AFG2A: variants seen among roughly 807,000 people sequenced by gnomAD.
AFG2A encodes the protein AAA ATPase AFG2A.
At chr4:123,039,869 A>G in the AFG2A span, among the ~76,000 whole-genome samples, 1 of 151,994 alleles carries the variant, frequency 6.6e-6, no homozygotes, top group Non-Finnish European at 1.5e-5. Context: ...GAGGCAGTGC[A>G]TTTTGGCTGT....
the AFG2A span, among the ~76,000 whole-genome samples, chr4:123,308,383 A>G: frequency 3.0e-4 from 46 of 152,304 alleles, no homozygotes; most frequent in South Asian, 7.0e-3. Context: ...CAGGCCATGC[A>G]CCGGTACTGG....
At chr4:123,197,085 T>G in the AFG2A span, among the ~76,000 whole-genome samples, 3 of 152,170 alleles carry the variant, frequency 2.0e-5, no homozygotes, top group South Asian at 2.1e-4. Context: ...TTGAAAGGGT[T>G]TTCTGAAACC....
chr4:123,174,391 A>C, the AFG2A span, among the ~76,000 whole-genome samples: 1 of 152,204 alleles, frequency 6.6e-6, no homozygotes, highest in Non-Finnish European at 1.5e-5. Context: ...AAAGATACCA[A>C]TTCTCCCCAA....
the AFG2A span, among the ~76,000 whole-genome samples, chr4:123,050,702 G>A: frequency 6.7e-6 from 1 of 150,156 alleles, no homozygotes; most frequent in East Asian, 1.9e-4. Context: ...GCTGTTAGAG[G>A]TGAAGAGAGT....
At chr4:123,043,729 A>C in the AFG2A span, among the ~76,000 whole-genome samples, 13 of 152,324 alleles carry the variant, frequency 8.5e-5, no homozygotes, top group African/African-American at 2.9e-4. Flanking sequence ...TCAGGATTGT[A>C]AGATAAATGC....
chr4:122,947,285 C>A, the AFG2A span: 4 of 1,612,122 alleles, frequency 2.5e-6, no homozygotes, highest in Non-Finnish European at 3.4e-6. Flanking sequence ...CGCCCTCATG[C>A]CTTGGATGCT....
chr4:123,098,453 T>G, the AFG2A span, among the ~76,000 whole-genome samples: 1 of 152,002 alleles, frequency 6.6e-6, no homozygotes, highest in African/African-American at 2.4e-5. Context: ...TACAGTACAA[T>G]AGACCTCTTG....
chr4:123,247,142 G>A, the AFG2A span, among the ~76,000 whole-genome samples: 49 of 151,778 alleles, frequency 3.2e-4, no homozygotes, highest in South Asian at 7.1e-3. Flanking sequence ...TCTTTCCCCC[G>A]TAAATTATAT....
chr4:123,087,242 A>G, the AFG2A span, among the ~76,000 whole-genome samples: 4 of 152,136 alleles, frequency 2.6e-5, no homozygotes, highest in Admixed American at 2.6e-4. Context: ...TGGTCCTGTG[A>G]TTAGGTCTGA....
chr4:122,974,953 G>C, the AFG2A span, among the ~76,000 whole-genome samples: 1 of 152,162 alleles, frequency 6.6e-6, no homozygotes, highest in African/African-American at 2.4e-5. Context: ...AAGTTGAAAA[G>C]TCTTAAGTTG....
At chr4:123,303,769 A>G in the AFG2A span, among the ~76,000 whole-genome samples, 1 of 151,912 alleles carries the variant, frequency 6.6e-6, no homozygotes, top group African/African-American at 2.4e-5. Context: ...TTCAACAAAA[A>G]CAAACAAACA....
chr4:122,957,971 A>G, the AFG2A span, among the ~76,000 whole-genome samples: 2 of 152,210 alleles, frequency 1.3e-5, no homozygotes, highest in Admixed American at 1.3e-4. Context: ...AGGAGACATA[A>G]TTATTACCCT....
chr4:123,008,279 T>C, the AFG2A span, among the ~76,000 whole-genome samples: 1 of 152,120 alleles, frequency 6.6e-6, no homozygotes, highest in African/African-American at 2.4e-5. Flanking sequence ...CCAGTTCTTA[T>C]GGGAACTAAG....
the AFG2A span, among the ~76,000 whole-genome samples, chr4:123,309,582 G>A: frequency 1.2e-4 from 18 of 152,298 alleles, no homozygotes; most frequent in African/African-American, 3.8e-4. Flanking sequence ...ACCATCATTA[G>A]TAGCCTTTGT....
the AFG2A span, among the ~76,000 whole-genome samples, chr4:123,300,071 G>T: frequency 6.6e-6 from 1 of 152,098 alleles, no homozygotes; most frequent in African/African-American, 2.4e-5. Flanking sequence ...CTTTCTTTAG[G>T]AGACTTTCTG....
At chr4:123,005,195 G>A in the AFG2A span, among the ~76,000 whole-genome samples, 802 of 152,122 alleles carry the variant, frequency 5.3e-3, 7 homozygotes, top group African/African-American at 0.018. Flanking sequence ...CTGTTGGCCA[G>A]GCTGGAGTGC....
At chr4:122,952,934 A>T in the AFG2A span, among the ~76,000 whole-genome samples, 1 of 151,944 alleles carries the variant, frequency 6.6e-6, no homozygotes, top group Non-Finnish European at 1.5e-5. Context: ...CATTGGGGGG[A>T]CTGCCTTACT....
At chr4:122,927,297 T>G in the AFG2A span, among the ~76,000 whole-genome samples, 1 of 152,208 alleles carries the variant, frequency 6.6e-6, no homozygotes, top group Admixed American at 6.5e-5. Flanking sequence ...TGAATACTAG[T>G]AGCTGACTCA....
chr4:123,214,411 A>C, the AFG2A span, among the ~76,000 whole-genome samples: 1 of 152,062 alleles, frequency 6.6e-6, no homozygotes, highest in East Asian at 1.9e-4. Context: ...ATCAGAGTAA[A>C]CCTAGCAATA....
Sources: allele counts gnomAD v4.1 joint callset (sites outside exome capture counted in the v4.1 genomes callset), GRCh38; gene constraint gnomAD v4.1.1; transcripts MANE v1.5; gene names NCBI Gene and HGNC (gene_info 2026-07-23, HGNC 2026-07-21).